The following HS6ST3 variants were observed in gnomAD, a reference collection of about 807,000 sequenced individuals.
HS6ST3 encodes heparan-sulfate 6-O-sulfotransferase 3.
Under a neutral mutation model 36.7 loss-of-function variants are expected in HS6ST3, and 12 were observed. The observed-to-expected ratio is 0.33, with a 90% CI of 0.21 to 0.53. The LOEUF is 0.53. Ranked by LOEUF, HS6ST3 falls within the 20% of genes least tolerant of loss-of-function variation. The pLI, the probability that HS6ST3 is intolerant of heterozygous loss-of-function variation, is 0.95. For synonymous variants in HS6ST3, 240 were observed against 257.5 expected, an observed-to-expected ratio of 0.93 and a Z score of 0.65; for missense variants, 584 against 640.9, an observed-to-expected ratio of 0.91 and a Z score of 0.96.
chr13:96,780,709 G>A (rs942257442), intron 1 of HS6ST3, among the ~76,000 whole-genome samples: 11 of 152,080 alleles, frequency 7.2e-5, no homozygotes, highest in Non-Finnish European at 1.5e-4. Flanking sequence ...CTGCTGTTGA[G>A]GAGGGCAAGT....
At chr13:96,803,635 C>T (rs1322882953) in intron 1 of HS6ST3, among the ~76,000 whole-genome samples, 1 of 152,158 alleles carries the variant, frequency 6.6e-6, no homozygotes, top group Non-Finnish European at 1.5e-5. Flanking sequence ...TCCTGGCAAA[C>T]AGCCCTATAT....
intron 1 of HS6ST3, among the ~76,000 whole-genome samples, chr13:96,751,282 C>T (rs900750009): frequency 1.2e-4 from 18 of 151,920 alleles, no homozygotes; most frequent in African/African-American, 4.1e-4. Context: ...CTGGATGAGC[C>T]CTGTAAATCC....
At chr13:96,542,656 T>C (rs1381060489) in intron 1 of HS6ST3, among the ~76,000 whole-genome samples, 1 of 152,130 alleles carries the variant, frequency 6.6e-6, no homozygotes, top group African/African-American at 2.4e-5. Flanking sequence ...AGCAAACTAG[T>C]AAGTGTGGGA....
intron 1 of HS6ST3, among the ~76,000 whole-genome samples, chr13:96,811,484 A>T (rs1385731310): frequency 6.6e-6 from 1 of 152,250 alleles, no homozygotes; most frequent in Non-Finnish European, 1.5e-5. Context: ...AGAATATCAA[A>T]GAAGAACTTA....
intron 1 of HS6ST3, among the ~76,000 whole-genome samples, chr13:96,692,032 T>C (rs1874977012): frequency 6.6e-6 from 1 of 152,164 alleles, no homozygotes; most frequent in Non-Finnish European, 1.5e-5. Flanking sequence ...ATCATGTTTA[T>C]TATGACTCAG....
intron 1 of HS6ST3, among the ~76,000 whole-genome samples, chr13:96,263,227 A>G (rs1464318562): frequency 6.6e-6 from 1 of 152,196 alleles, no homozygotes; most frequent in East Asian, 1.9e-4. Flanking sequence ...TATCTTTATA[A>G]TTCAAGGAAA....
chr13:96,682,384 C>T (rs1345687709), intron 1 of HS6ST3, among the ~76,000 whole-genome samples: 4 of 152,066 alleles, frequency 2.6e-5, no homozygotes, highest in African/African-American at 9.7e-5. Flanking sequence ...ATGTTTTATT[C>T]CTCATCCATG....
At chr13:96,558,566 G>A (rs892121712) in intron 1 of HS6ST3, among the ~76,000 whole-genome samples, 3 of 152,134 alleles carry the variant, frequency 2.0e-5, no homozygotes, top group Admixed American at 2.0e-4. Flanking sequence ...GGGCAGTATG[G>A]CAAGTGTCAG....
chr13:96,563,061 T>G (rs1173516806), intron 1 of HS6ST3, among the ~76,000 whole-genome samples: 1 of 141,764 alleles, frequency 7.1e-6, no homozygotes, highest in African/African-American at 2.7e-5. Context: ...AAAAAAAAAG[T>G]CCAAGGCTGG....
In HS6ST3 at chr13:96,435,699, G is replaced by A. The variant is rs529500453; in HGVS notation, c.707+344130G>A. Among the ~76,000 whole-genome samples, 3 of 152,216 alleles carry A rather than the reference G, an allele frequency of 2.0e-5. No homozygotes were observed. The South Asian group carries it at 6.2e-4, about 32-fold the overall frequency. ...GATTCTTTAACCTTACTTCTAAGTA[G>A]GGTCCTTTCCCTCAACCTGTTAACA... On this transcript the variant is annotated intron_variant, in intron 1 of 1. Coordinates refer to ENST00000376705, the MANE Select transcript of HS6ST3 (RefSeq NM_153456.4).
At chr13:96,429,963 A>G (rs1336636501) in intron 1 of HS6ST3, among the ~76,000 whole-genome samples, 2 of 152,182 alleles carry the variant, frequency 1.3e-5, no homozygotes, top group Admixed American at 6.5e-5. Context: ...CAAATAATAA[A>G]CCCTGACAGA....
intron 1 of HS6ST3, among the ~76,000 whole-genome samples, chr13:96,626,179 TGTCA>T (rs1307790217): frequency 6.6e-6 from 1 of 152,208 alleles, no homozygotes; most frequent in South Asian, 2.1e-4. Context: ...TAGTCCAGTT[TGTCA>T]GTATTTTCTT....
intron 1 of HS6ST3, among the ~76,000 whole-genome samples, chr13:96,674,111 G>A (rs930925190): frequency 1.3e-5 from 2 of 152,108 alleles, no homozygotes; most frequent in Non-Finnish European, 2.9e-5. Flanking sequence ...AGAATGGGAG[G>A]TGACTGGATC....
intron 1 of HS6ST3, among the ~76,000 whole-genome samples, chr13:96,828,847 A>C (rs1878706288): frequency 6.6e-6 from 1 of 152,214 alleles, no homozygotes; most frequent in Admixed American, 6.5e-5. Context: ...TTTCTGCCCC[A>C]AGATCTTGAA....
intron 1 of HS6ST3, among the ~76,000 whole-genome samples, chr13:96,571,943 G>A (rs545531449): frequency 3.9e-5 from 6 of 152,258 alleles, no homozygotes; most frequent in Middle Eastern, 3.4e-3. Flanking sequence ...ACCATGCACC[G>A]TGTGCTTTAA....
intron 1 of HS6ST3, among the ~76,000 whole-genome samples, chr13:96,387,219 T>TAA (rs1395065141): frequency 6.6e-6 from 1 of 152,248 alleles, no homozygotes; most frequent in African/African-American, 2.4e-5. Context: ...CATCCTTTTA[T>TAA]ATCATCCTTA....
intron 1 of HS6ST3, among the ~76,000 whole-genome samples, chr13:96,695,690 G>A (rs1401933595): frequency 6.8e-6 from 1 of 147,010 alleles, no homozygotes; most frequent in African/African-American, 2.5e-5. Context: ...TCCCACCTCA[G>A]CCTCCCAAAG....
chr13:96,296,820 A>C (rs923500669), intron 1 of HS6ST3, among the ~76,000 whole-genome samples: 1 of 152,056 alleles, frequency 6.6e-6, no homozygotes, highest in South Asian at 2.1e-4. Context: ...ATTTCCACCA[A>C]TTTTGCTATA....
chr13:96,096,097 T>A (rs2053789524), intron 1 of HS6ST3, among the ~76,000 whole-genome samples: 1 of 152,130 alleles, frequency 6.6e-6, no homozygotes, highest in Non-Finnish European at 1.5e-5. Context: ...TTGCAGCATC[T>A]GGAAACCATG....
Sources: gnomAD v4.1 joint callset for allele counts (sites outside exome capture counted in the v4.1 genomes callset) on GRCh38, gnomAD v4.1.1 for gene constraint, MANE v1.5 for transcripts, NCBI Gene and HGNC (gene_info 2026-07-23, HGNC 2026-07-21) for gene names.